Variants in FZD3 observed in about 807,000 individuals in gnomAD.
FZD3 encodes frizzled-3.
In FZD3, 30 loss-of-function variants were observed where a neutral mutation model predicts 60.7. The ratio of observed to expected loss-of-function variants is 0.49; its 90% CI spans 0.37 to 0.67. FZD3 has a LOEUF of 0.67. Among genes scored for constraint, FZD3 ranks in the 30% least tolerant of loss-of-function variants. FZD3 has a pLI of 0.00. For synonymous variants in FZD3, 246 were observed against 275.2 expected, an observed-to-expected ratio of 0.89 and a Z score of 1.05; for missense variants, 605 against 838.7, an observed-to-expected ratio of 0.72 and a Z score of 3.44.
chr8:28,534,106 G>T (rs985583874), intron 5 of FZD3, among the ~76,000 whole-genome samples: 19 of 152,176 alleles, frequency 1.2e-4, no homozygotes, highest in Non-Finnish European at 2.8e-4. Flanking sequence ...AAGAAGTAAT[G>T]TGTCTTACAT....
At chr8:28,534,183 A>T (rs1804951832) in intron 5 of FZD3, among the ~76,000 whole-genome samples, 2 of 152,214 alleles carry the variant, frequency 1.3e-5, no homozygotes, top group Non-Finnish European at 2.9e-5. Context: ...ATAAACTAGA[A>T]GACCAGCGAC....
intron 4 of FZD3, among the ~76,000 whole-genome samples, chr8:28,521,609 C>G (rs993398605): frequency 6.6e-6 from 1 of 152,006 alleles, no homozygotes; most frequent in Non-Finnish European, 1.5e-5. Flanking sequence ...TATCTTCTTT[C>G]CCCCCAAGGA....
chr8:28,510,257 A>G (rs559981934), intron 3 of FZD3, among the ~76,000 whole-genome samples: 24 of 152,252 alleles, frequency 1.6e-4, no homozygotes, highest in Admixed American at 3.9e-4. Flanking sequence ...ACAGGAAACA[A>G]CTGTGTTTCT....
At chr8:28,559,148 C>T (rs939111373) in intron 7 of FZD3, among the ~76,000 whole-genome samples, 12 of 152,128 alleles carry the variant, frequency 7.9e-5, no homozygotes, top group African/African-American at 2.9e-4. Flanking sequence ...TAAAAATAGA[C>T]TTCAGCCACT....
rs757928052 is a variant in FZD3, at chr8:28,520,704, G to T, written c.256G>T (p.Ala86Ser). The T allele has an allele frequency of 9.3e-6, 15 of 1,610,956 alleles. No homozygotes were observed. The Admixed American group carries it at 2.5e-4, about 27-fold the overall frequency. Reference sequence around the variant, plus strand: ...CCGGCCTTTTCTTTGTGCACTCTACGCTCCTATTTGTATGGAATATGGACG... The same window carrying T: ...CCGGCCTTTTCTTTGTGCACTCTACTCTCCTATTTGTATGGAATATGGACG... ...DFRPFLCALY[A>S]PICMEYGRVT... The change falls in exon 4 of 8, where the codon GCT becomes TCT. Residue 86 changes from alanine (A) to serine (S), a missense_variant. By Grantham distance (99) the Ala-to-Ser change is moderately conservative. Coordinates refer to ENST00000240093, the MANE Select transcript of FZD3 (RefSeq NM_017412.4).
intron 3 of FZD3, chr8:28,505,043 G>A (rs974597134): frequency 1.9e-5 from 3 of 154,658 alleles, no homozygotes; most frequent in Non-Finnish European, 2.9e-5. Context: ...CATGTTTATC[G>A]TATCAGGACA....
chr8:28,527,996 T>A lies in FZD3; in HGVS notation c.1236T>A (p.Asp412Glu), dbSNP rs748935848. Residue 412 changes from aspartate (D) to glutamate (E), a missense_variant, in exon 5 of 8, where the codon GAT (aspartate) becomes GAA (glutamate). Transcript: ENST00000240093. This position sits in a 1 kb window ranked among gnomAD's most constrained non-coding sequence, Gnocchi z 5.0. The part of the protein sequence containing the change: ...IEIPLEKENQ[D>E]KLVKFMIRIG... ...TTCCATTAGAAAAGGAGAACCAAGA[T>A]AAATTAGTGAAGTTTATGATCCGGA... 6.2e-7 allele frequency: 1 copy of A among 1,614,006 alleles called. No individual in the cohort carries two copies. Among genetic ancestry groups the A allele is most frequent in the Non-Finnish European group, 8.5e-7 (1 of 1,179,900 alleles).
intron 4 of FZD3, among the ~76,000 whole-genome samples, chr8:28,521,516 A>T (rs925970213): frequency 6.6e-6 from 1 of 152,166 alleles, no homozygotes; most frequent in African/African-American, 2.4e-5. Flanking sequence ...ACAGTTTGTA[A>T]TATTGGCTTC....
rs771811674 is a variant in FZD3 at position 28,551,603 on chromosome 8, G to A, written c.1405G>A (p.Val469Ile). The change falls in exon 6 of 8, where the codon GTT becomes ATT. Residue 469 changes from valine to isoleucine, a missense_variant and splice_region_variant. Transcript: ENST00000240093. Reference sequence around the variant, plus strand: ...GATGCTTTTCTTTCTGTTCTTCCAGGTTACTCAAATGAGTCGTCCAGACTT... The same window carrying A: ...GATGCTTTTCTTTCTGTTCTTCCAGATTACTCAAATGAGTCGTCCAGACTT... ...REYHIPCPYQ[V>I]TQMSRPDLIL... is the part of the protein sequence containing the mutation. The A allele has an allele frequency of 3.1e-6, 5 of 1,593,626 alleles. No homozygotes were observed. The highest frequency in any genetic ancestry group is 1.1e-5 in the South Asian group (1 of 88,738).
In FZD3 at chr8:28,567,399, C is replaced by T. The variant is rs1805724190; in HGVS notation, c.*4388C>T. ...ACCTCAAGTGATCTGCCCACCTCAGCCTCCCAAAGTGCTAGGATTACAGGC... is the reference window on the plus strand; with the variant it reads ...ACCTCAAGTGATCTGCCCACCTCAGTCTCCCAAAGTGCTAGGATTACAGGC... On this transcript the variant is annotated 3_prime_UTR_variant, in exon 8 of 8. Transcript: ENST00000240093. The T allele has an allele frequency of 6.6e-6, 1 of 152,290 alleles. No individual in the cohort carries two copies. The highest frequency in any genetic ancestry group is 2.4e-5 in the African/African-American group (1 of 41,424). 9.4% of individuals were successfully genotyped at this position (152,290 alleles called of 1,614,324 possible).
At chr8:28,509,727 ATAACG>A (rs1804234819) in intron 3 of FZD3, among the ~76,000 whole-genome samples, 1 of 152,202 alleles carries the variant, frequency 6.6e-6, no homozygotes, top group South Asian at 2.1e-4. Flanking sequence ...TTTATTTAGC[ATAACG>A]TCCTCAAGGT....
chr8:28,530,013 G>T (rs1414562252), intron 5 of FZD3, among the ~76,000 whole-genome samples: 1 of 151,918 alleles, frequency 6.6e-6, no homozygotes, highest in Non-Finnish European at 1.5e-5. Context: ...GAGTAGTTGA[G>T]ATGCTGCTTT....
chr8:28,520,881 T>C (rs771519523), intron 4 of FZD3, 47 bp downstream of exon 4: 1 of 1,240,086 alleles, frequency 8.1e-7, no homozygotes, highest in Non-Finnish European at 1.1e-6. Context: ...TGTTGCAATA[T>C]GTTTAAAAGT....
At chr8:28,537,576 G>T (rs1385853133) in intron 5 of FZD3, among the ~76,000 whole-genome samples, 1 of 152,098 alleles carries the variant, frequency 6.6e-6, no homozygotes, top group Non-Finnish European at 1.5e-5. Flanking sequence ...GCCATAGACA[G>T]TAAGTCAGCA....
rs1805694594 is a variant in FZD3 at position 28,565,751 on chromosome 8, G to A, written c.*2740G>A. ...CAAAATTTATGTAATATTAATCCAT[G>A]GTTTTAAACAACAGTATTCAGTTTG... On this transcript the variant is annotated 3_prime_UTR_variant, in exon 8 of 8. Transcript: ENST00000240093. The A allele has an allele frequency of 6.6e-6, 1 of 152,026 alleles. No homozygotes were observed. The highest frequency in any genetic ancestry group is 1.5e-5 in the Non-Finnish European group (1 of 67,952). The allele number at this position is 152,026 out of a possible 1,614,324, so 9.4% of individuals were successfully genotyped here. A position where few individuals can be genotyped will look rare whatever the true frequency, so the allele number is the denominator to read the frequency against.
Position 28,566,178 on chromosome 8 carries a change from C to A in FZD3, c.*3167C>A, listed in dbSNP as rs1255879283. On this transcript the variant is annotated 3_prime_UTR_variant, in exon 8 of 8. Transcript: ENST00000240093. ...CTCACATCAAAGAAATTTGAAAGATCTATAACCTATGTGAAATGAAGTCTC... is the reference window on the plus strand; with the variant it reads ...CTCACATCAAAGAAATTTGAAAGATATATAACCTATGTGAAATGAAGTCTC... 1 of 152,076 alleles carries A rather than the reference C, an allele frequency of 6.6e-6. No individual in the cohort carries two copies. The highest frequency in any genetic ancestry group is 1.5e-5 in the Non-Finnish European group (1 of 67,992). The allele number at this position is 152,076 out of a possible 1,614,324, so 9.4% of individuals were successfully genotyped here.
chr8:28,509,243 CTA>C (rs1804222398), intron 3 of FZD3, among the ~76,000 whole-genome samples: 1 of 151,440 alleles, frequency 6.6e-6, no homozygotes, highest in Non-Finnish European at 1.5e-5. Context: ...TCTGTCACCT[CTA>C]TCTTATTTTT....
chr8:28,534,367 A>G (rs1025618608), intron 5 of FZD3, among the ~76,000 whole-genome samples: 2 of 152,204 alleles, frequency 1.3e-5, no homozygotes, highest in Non-Finnish European at 2.9e-5. Flanking sequence ...TGACTTAGCA[A>G]TATGGTAAGA....
intron 5 of FZD3, among the ~76,000 whole-genome samples, chr8:28,537,849 G>A (rs1322536667): frequency 6.6e-6 from 1 of 152,094 alleles, no homozygotes; most frequent in Non-Finnish European, 1.5e-5. Context: ...AGGCGTGGTG[G>A]CTCACGCCTG....
Sources: allele counts gnomAD v4.1 joint callset (sites outside exome capture counted in the v4.1 genomes callset), GRCh38; gene constraint gnomAD v4.1.1; non-coding constraint Gnocchi (gnomAD v3.1); transcripts MANE v1.5; gene names NCBI Gene and HGNC (gene_info 2026-07-23, HGNC 2026-07-21).